Variants in CABIN1 observed in about 807,000 individuals in gnomAD.
CABIN1 encodes calcineurin binding protein 1, also known as calcineurin-binding protein cabin-1.
A neutral mutation model predicts 227.7 loss-of-function variants in CABIN1; 133 were observed. The ratio of observed to expected loss-of-function variants is 0.58; its 90% CI spans 0.51 to 0.67. The LOEUF (loss-of-function observed/expected upper bound fraction) is 0.67, where lower values mean the gene tolerates loss of function less well. Among genes scored for constraint, CABIN1 ranks in the 30% least tolerant of loss-of-function variants. The pLI, the probability that CABIN1 is intolerant of heterozygous loss-of-function variation, is 0.00. For missense variants in CABIN1, 2,408 were observed against 2,852.5 expected, an observed-to-expected ratio of 0.84 and a Z score of 3.55; for synonymous variants, 1,086 against 1,155.1, an observed-to-expected ratio of 0.94 and a Z score of 1.21.
At chr22:24,064,939 A>T (rs1680232454) in intron 15 of CABIN1, among the ~76,000 whole-genome samples, 1 of 152,108 alleles carries the variant, frequency 6.6e-6, no homozygotes, top group Non-Finnish European at 1.5e-5. Context: ...CACAGCAACC[A>T]TCCGATTTCT....
chr22:24,174,296 T>C lies in CABIN1; in HGVS notation c.6041-1815T>C, dbSNP rs1199066779. Among the ~76,000 whole-genome samples the C allele has an allele frequency of 4.6e-5, 7 of 151,232 alleles. No homozygotes were observed. In the South Asian group the frequency reaches 1.5e-3, roughly 32 times the overall value. ...AGCATGGGCCACTACGCCTGGGTAA[T>C]TTTTGTATTTTTTGTAGAGATGGGG... On this transcript the variant is annotated intron_variant, in intron 34 of 36. Coordinates refer to ENST00000263119, the MANE Select transcript of CABIN1 (RefSeq NM_012295.4).
At chr22:24,057,834 A>C (rs2038912877) in intron 10 of CABIN1, among the ~76,000 whole-genome samples, 1 of 152,188 alleles carries the variant, frequency 6.6e-6, no homozygotes. Context: ...TACCAGAAGA[A>C]AGTTTCTCTT....
chr22:24,109,205 A>G (rs1269110944), intron 26 of CABIN1, among the ~76,000 whole-genome samples: 3 of 151,634 alleles, frequency 2.0e-5, no homozygotes, highest in Non-Finnish European at 4.4e-5. Context: ...CTTTTTTGAA[A>G]CAACTTTATA....
intron 22 of CABIN1, 93 bp from the exon 23 acceptor site, chr22:24,087,359 A>G (rs2041236058): frequency 2.6e-6 from 4 of 1,536,000 alleles, no homozygotes; most frequent in South Asian, 2.3e-5. Context: ...GGGAGTTTCC[A>G]TGGGGTCCAT....
At chr22:24,072,322 C>T (rs1016705529) in intron 17 of CABIN1, 32 bp from the exon 18 acceptor site, 6 of 1,613,798 alleles carry the variant, frequency 3.7e-6, no homozygotes, top group Non-Finnish European at 4.2e-6. Context: ...CCTGCTGTGA[C>T]ACTTCTGCTG....
chr22:24,087,390 C>A, intron 22 of CABIN1, 62 bp from the exon 23 acceptor site: 2 of 1,602,218 alleles, frequency 1.2e-6, no homozygotes, highest in South Asian at 1.1e-5. Context: ...ACTAGGCTGT[C>A]ATTATCTTCC....
intron 28 of CABIN1, among the ~76,000 whole-genome samples, chr22:24,124,035 G>C (rs2043572038): frequency 6.6e-6 from 1 of 152,362 alleles, no homozygotes; most frequent in Admixed American, 6.5e-5. Flanking sequence ...TCAGGGCACA[G>C]TGTGCCACTT....
chr22:24,060,028 A>G lies in CABIN1; in HGVS notation c.1504A>G (p.Arg502Gly). 6.2e-7 allele frequency: 1 copy of G among 1,614,180 alleles called. No homozygotes were observed. Among genetic ancestry groups the G allele is most frequent in the Non-Finnish European group, 8.5e-7 (1 of 1,180,030 alleles). Reference sequence around the variant, plus strand: ...AGCCATGGGCCACAAGTTCTTGGTAAGGTGGCCTCCAGGCTTGGCGGAGGT... The same window carrying G: ...AGCCATGGGCCACAAGTTCTTGGTAGGGTGGCCTCCAGGCTTGGCGGAGGT... The part of the protein sequence containing the change: ...LKAMGHKFLV[R>G]WPPGLAEVVL... Residue 502 changes from arginine to glycine, a missense_variant, in exon 12 of 37, where the codon AGG becomes GGG. Physicochemically the swap from Arg to Gly is moderately radical, Grantham distance 125 (BLOSUM62 -2). This residue lies in a region of CABIN1 where 1,045 missense variants were observed against 1,168.4 expected (regional missense o/e 0.89). Coordinates refer to ENST00000263119, the MANE Select transcript of CABIN1 (RefSeq NM_012295.4).
At chr22:24,092,089 C>A (rs994420607) in intron 24 of CABIN1, 1 of 574,878 alleles carries the variant, frequency 1.7e-6, no homozygotes, top group Non-Finnish European at 3.1e-6. Context: ...ATTGTCTTTC[C>A]TCACTAACAC....
intron 29 of CABIN1, among the ~76,000 whole-genome samples, chr22:24,150,725 AC>A (rs1265682057): frequency 6.6e-6 from 1 of 152,202 alleles, no homozygotes; most frequent in Non-Finnish European, 1.5e-5. Flanking sequence ...AATCAGAGGC[AC>A]TTCTGGCTCC....
At chr22:24,165,917 G>A (rs2046419142) in intron 31 of CABIN1, among the ~76,000 whole-genome samples, 1 of 152,212 alleles carries the variant, frequency 6.6e-6, no homozygotes, top group Non-Finnish European at 1.5e-5. Flanking sequence ...GGGGTCCCAA[G>A]CCCTCTCCCT....
At position 24,095,864 on chromosome 22, in the gene CABIN1, G is replaced by T. The variant is rs953373606; in HGVS notation, c.3787-67G>T. 1.7e-5 allele frequency: 27 copies of T among 1,585,112 alleles called. No individual in the cohort carries two copies. The Admixed American group carries it at 4.2e-4, about 24-fold the overall frequency. ...TCATGGGCCCATTTCCAGTGTGGCT[G>T]ACTGGCCTGTGGAACAAATCTTAGC... On this transcript the variant is annotated intron_variant, in intron 24 of 36. Transcript: ENST00000263119.
At chr22:24,069,829 C>T (rs1601901812) in intron 16 of CABIN1, among the ~76,000 whole-genome samples, 1 of 152,316 alleles carries the variant, frequency 6.6e-6, no homozygotes, top group South Asian at 2.1e-4. Context: ...TCTGACCCCA[C>T]ACCTGTTGGT....
At chr22:24,049,460 C>T (rs1349045039) in intron 7 of CABIN1, among the ~76,000 whole-genome samples, 1 of 152,250 alleles carries the variant, frequency 6.6e-6, no homozygotes, top group Admixed American at 6.5e-5. Flanking sequence ...CTCCTGCTGT[C>T]CTGCCAGCTT....
intron 4 of CABIN1, 85 bp downstream of exon 4, chr22:24,038,546 C>A: frequency 1.1e-6 from 1 of 925,810 alleles, no homozygotes; most frequent in East Asian, 2.4e-5. Flanking sequence ...TACCTCTGCT[C>A]TCCCATTTCT....
chr22:24,024,016 A>T (rs2035909400), intron 1 of CABIN1, among the ~76,000 whole-genome samples: 1 of 152,166 alleles, frequency 6.6e-6, no homozygotes, highest in Admixed American at 6.5e-5. Flanking sequence ...TACAGACGTG[A>T]ACTACCATGC....
chr22:24,052,436 A>G (rs780386222), intron 8 of CABIN1, among the ~76,000 whole-genome samples: 3 of 151,358 alleles, frequency 2.0e-5, no homozygotes, highest in Non-Finnish European at 4.4e-5. Flanking sequence ...TGGGCCATGT[A>G]CAATTTATGT....
chr22:24,140,665 T>C (rs1470299038), intron 29 of CABIN1, among the ~76,000 whole-genome samples: 1 of 152,260 alleles, frequency 6.6e-6, no homozygotes, highest in East Asian at 1.9e-4. Context: ...AAATGTTTGC[T>C]TATTTTAGCA....
chr22:24,055,431 C>A (rs1206513520), intron 9 of CABIN1, among the ~76,000 whole-genome samples: 2 of 152,242 alleles, frequency 1.3e-5, no homozygotes, highest in Admixed American at 1.3e-4. Context: ...TCCCCCAGGA[C>A]CATTTAGTGC....
Sources: allele counts gnomAD v4.1 joint callset (sites outside exome capture counted in the v4.1 genomes callset), GRCh38; gene constraint gnomAD v4.1.1; regional missense constraint gnomAD v4.1.1; transcripts MANE v1.5; gene names NCBI Gene and HGNC (gene_info 2026-07-23, HGNC 2026-07-21).